Variants in SLC10A7 observed in about 807,000 individuals in gnomAD.
SLC10A7 encodes solute carrier family 10 member 7.
Under a neutral mutation model 43.2 loss-of-function variants are expected in SLC10A7, and 29 were observed. The observed-to-expected ratio is 0.67, with a 90% CI of 0.50 to 0.92. The LOEUF (loss-of-function observed/expected upper bound fraction) is 0.92, where lower values mean the gene tolerates loss of function less well. Among genes scored for constraint, SLC10A7 ranks in the 40% least tolerant of loss-of-function variants. The pLI is 0.00. For missense variants in SLC10A7, 295 were observed against 403.2 expected (o/e 0.73, Z 2.30); for synonymous variants, 152 against 144.8 (o/e 1.05, Z -0.35).
chr4:146,286,076 G>A (rs1400315107), intron 9 of SLC10A7, among the ~76,000 whole-genome samples: 2 of 151,146 alleles, frequency 1.3e-5, no homozygotes, highest in Admixed American at 6.6e-5. Flanking sequence ...GGAGTGGTGA[G>A]AAGGACTCTG....
intron 4 of SLC10A7, among the ~76,000 whole-genome samples, chr4:146,471,717 C>T (rs1733588063): frequency 6.6e-6 from 1 of 152,064 alleles, no homozygotes; most frequent in Non-Finnish European, 1.5e-5. Flanking sequence ...CTTTATCTTT[C>T]CATTTAAAAT....
intron 6 of SLC10A7, among the ~76,000 whole-genome samples, chr4:146,307,497 C>A (rs1477332760): frequency 6.6e-6 from 1 of 152,132 alleles, no homozygotes; most frequent in East Asian, 1.9e-4. Context: ...GCAACTATGT[C>A]TCTGCAGCAC....
chr4:146,459,438 C>G (rs922158822), intron 4 of SLC10A7, among the ~76,000 whole-genome samples: 1 of 151,484 alleles, frequency 6.6e-6, no homozygotes, highest in African/African-American at 2.4e-5. Flanking sequence ...TAAAGTTATG[C>G]TAATCAAGAT....
intron 5 of SLC10A7, among the ~76,000 whole-genome samples, chr4:146,391,687 T>A (rs993885700): frequency 3.9e-5 from 6 of 152,178 alleles, no homozygotes; most frequent in African/African-American, 1.4e-4. Flanking sequence ...CTAACTCTAA[T>A]CAGTAATTGT....
chr4:146,416,128 A>G (rs1166554458), intron 5 of SLC10A7, among the ~76,000 whole-genome samples: 4 of 152,208 alleles, frequency 2.6e-5, no homozygotes. Flanking sequence ...GAGAATGATC[A>G]GCTTAGAGCA....
intron 5 of SLC10A7, among the ~76,000 whole-genome samples, chr4:146,407,558 A>G (rs1727820500): frequency 6.6e-6 from 1 of 152,218 alleles, no homozygotes; most frequent in Admixed American, 6.5e-5. Context: ...TTTCATTATT[A>G]AAGGGGGAAA....
At chr4:146,309,639 G>A (rs865921041) in intron 6 of SLC10A7, among the ~76,000 whole-genome samples, 5 of 152,090 alleles carry the variant, frequency 3.3e-5, no homozygotes, top group South Asian at 2.1e-4. Flanking sequence ...AAAAGCTTGC[G>A]AATGCTTTCA....
chr4:146,333,007 T>A (rs1335299893), intron 5 of SLC10A7, among the ~76,000 whole-genome samples: 2 of 152,170 alleles, frequency 1.3e-5, no homozygotes, highest in Non-Finnish European at 2.9e-5. Flanking sequence ...TAAGCAAACA[T>A]TTATTGAGTA....
intron 4 of SLC10A7, among the ~76,000 whole-genome samples, chr4:146,471,983 C>A (rs1019587039): frequency 2.0e-5 from 3 of 152,074 alleles, no homozygotes; most frequent in Non-Finnish European, 2.9e-5. Context: ...TCCATACCCC[C>A]CCACTCCCAA....
chr4:146,288,275 C>T (rs1190087278), intron 9 of SLC10A7, among the ~76,000 whole-genome samples: 2 of 152,224 alleles, frequency 1.3e-5, no homozygotes, highest in Non-Finnish European at 2.9e-5. Flanking sequence ...AGAGCAGATG[C>T]TCACTTAACC....
chr4:146,372,270 A>T (rs1359196815), intron 5 of SLC10A7, among the ~76,000 whole-genome samples: 3 of 152,030 alleles, frequency 2.0e-5, no homozygotes, highest in African/African-American at 7.3e-5. Context: ...CCTGGGCAAC[A>T]TGGAGACACC....
In SLC10A7 at chr4:146,483,261, G is replaced by A. The variant is rs547681826; in HGVS notation, c.396+20588C>T. Among the ~76,000 whole-genome samples, 13 of 152,232 alleles carry A rather than the reference G, an allele frequency of 8.5e-5. No individual in the cohort carries two copies. In the South Asian group the frequency reaches 2.3e-3, roughly 27 times the overall value. On this transcript the variant is annotated intron_variant, in intron 4 of 11. Transcript: ENST00000335472. ...AGTATGAAGGTTAAAAGTCAAAACA[G>A]TGAAAATTAAAGCTATAATACATTG...
Position 146,351,645 on chromosome 4 carries a change from G to C in SLC10A7, c.436-25649C>G, listed in dbSNP as rs544968118. 1.1e-4 allele frequency among the ~76,000 whole-genome samples: 17 copies of C among 152,118 alleles called. No individual in the cohort carries two copies. In the South Asian group the frequency reaches 3.5e-3, roughly 32 times the overall value. Reference sequence around the variant, plus strand: ...AAGGGCAGCCAGAGAGGAAGGTCGGGTTACCCTCAAAGGGAAGCCCATCAG... The same window carrying C: ...AAGGGCAGCCAGAGAGGAAGGTCGGCTTACCCTCAAAGGGAAGCCCATCAG... On this transcript the variant is annotated intron_variant, in intron 5 of 11. Transcript: ENST00000335472.
At position 146,374,098 on chromosome 4, in the gene SLC10A7, T is replaced by G. The variant is rs1736989726; in HGVS notation, c.436-48102A>C. Reference sequence around the variant, plus strand: ...GCCTCAGATTGGAAGAGACCTGGGTTTGGATCTGCTTCTCCATTTTCTATT... The same window carrying G: ...GCCTCAGATTGGAAGAGACCTGGGTGTGGATCTGCTTCTCCATTTTCTATT... On this transcript the variant is annotated intron_variant, in intron 5 of 11. Coordinates refer to ENST00000335472, the MANE Select transcript of SLC10A7 (RefSeq NM_001029998.6). Among the ~76,000 whole-genome samples, 2 of 152,218 alleles carry G rather than the reference T, an allele frequency of 1.3e-5. 1 individual carries two copies. The highest frequency in any genetic ancestry group is 1.3e-4 in the Admixed American group (2 of 15,270).
intron 10 of SLC10A7, among the ~76,000 whole-genome samples, chr4:146,275,552 A>G (rs900203958): frequency 2.0e-5 from 3 of 152,026 alleles, no homozygotes; most frequent in Admixed American, 6.6e-5. Flanking sequence ...ATCTAGTGTG[A>G]TTGTGGAAGT....
At chr4:146,481,147 C>G (rs1369131445) in intron 4 of SLC10A7, among the ~76,000 whole-genome samples, 2 of 152,084 alleles carry the variant, frequency 1.3e-5, no homozygotes, top group African/African-American at 4.8e-5. Flanking sequence ...ACAGAAGCTC[C>G]CCGGACTGCT....
At position 146,255,884 on chromosome 4, in the gene SLC10A7, A is replaced by C. The variant is rs942577751; in HGVS notation, c.*607T>G. On this transcript the variant is annotated 3_prime_UTR_variant, in exon 12 of 12. Coordinates refer to ENST00000335472, the MANE Select transcript of SLC10A7 (RefSeq NM_001029998.6). Reference sequence around the variant, plus strand: ...TGAAGCAGCTTATAATAAATTTAAGACATATAACCACAATCTCTCATAATG... The same window carrying C: ...TGAAGCAGCTTATAATAAATTTAAGCCATATAACCACAATCTCTCATAATG... 2 of 152,238 alleles carry C rather than the reference A, an allele frequency of 1.3e-5. No individual in the cohort carries two copies. The highest frequency in any genetic ancestry group is 2.9e-5 in the Non-Finnish European group (2 of 68,034). 9.4% of individuals were successfully genotyped at this position (152,238 alleles called of 1,614,324 possible). A position where few individuals can be genotyped will look rare whatever the true frequency, so the allele number is the denominator to read the frequency against.
chr4:146,521,925 G>A lies in SLC10A7; in HGVS notation c.-208C>T. On this transcript the variant is annotated 5_prime_UTR_variant, in exon 1 of 12. Coordinates refer to ENST00000335472, the MANE Select transcript of SLC10A7 (RefSeq NM_001029998.6). ...TGGGAGTAGTAGTAGCCAGTGACAGGAAAGTCTCACTGAGCGCCGCCATCA... is the reference window on the plus strand; with the variant it reads ...TGGGAGTAGTAGTAGCCAGTGACAGAAAAGTCTCACTGAGCGCCGCCATCA... 1 of 500,426 alleles carries A rather than the reference G, an allele frequency of 2.0e-6. No homozygotes were observed. The highest frequency in any genetic ancestry group is 3.6e-6 in the Non-Finnish European group (1 of 281,122). The allele number at this position is 500,426 out of a possible 1,614,324, so 31.0% of individuals were successfully genotyped here. A position where few individuals can be genotyped will look rare whatever the true frequency, so the allele number is the denominator to read the frequency against.
chr4:146,464,620 T>C (rs188098414), intron 4 of SLC10A7, among the ~76,000 whole-genome samples: 3 of 151,878 alleles, frequency 2.0e-5, no homozygotes, highest in East Asian at 3.9e-4. Flanking sequence ...ATTATGTTCA[T>C]GTGATAATGT....
Sources: allele counts gnomAD v4.1 joint callset (sites outside exome capture counted in the v4.1 genomes callset), GRCh38; gene constraint gnomAD v4.1.1; transcripts MANE v1.5; gene names NCBI Gene and HGNC (gene_info 2026-07-23, HGNC 2026-07-21).